Variants in AMPH observed in about 807,000 individuals in gnomAD.
The protein encoded by AMPH is amphiphysin (Stiff-Mann syndrome with breast cancer 128kD autoantigen).
AMPH carries 49 observed loss-of-function variants against 99.1 expected under a neutral mutation model. That is an observed-to-expected ratio of 0.49 (90% CI 0.39 to 0.63). The LOEUF (loss-of-function observed/expected upper bound fraction) is 0.63. Among genes scored for constraint, AMPH ranks in the 20% least tolerant of loss-of-function variants. AMPH has a pLI of 0.00. For synonymous variants in AMPH, 314 were observed against 317.3 expected, an observed-to-expected ratio of 0.99 and a Z score of 0.11; for missense variants, 759 against 863.4, an observed-to-expected ratio of 0.88 and a Z score of 1.52.
chr7:38,514,980 G>A (rs924429662), intron 2 of AMPH, among the ~76,000 whole-genome samples: 2 of 152,172 alleles, frequency 1.3e-5, no homozygotes, highest in Non-Finnish European at 2.9e-5. Context: ...AGCATTAAGG[G>A]TGATTCTCGT....
intron 1 of AMPH, among the ~76,000 whole-genome samples, chr7:38,552,347 A>C (rs1791207618): frequency 6.6e-6 from 1 of 152,198 alleles, no homozygotes; most frequent in Admixed American, 6.5e-5. Flanking sequence ...GTCTGCACAG[A>C]TCATTTGGAT....
chr7:38,525,544 A>T (rs2129036618), intron 2 of AMPH, among the ~76,000 whole-genome samples: 1 of 151,962 alleles, frequency 6.6e-6, no homozygotes, highest in East Asian at 1.9e-4. Context: ...GTCAGGATAC[A>T]GAACTTTCCA....
intron 17 of AMPH, among the ~76,000 whole-genome samples, chr7:38,410,694 T>C (rs1447050937): frequency 6.6e-6 from 1 of 152,140 alleles, no homozygotes; most frequent in African/African-American, 2.4e-5. Context: ...GCACAGAGGG[T>C]AAAATGATTT....
chr7:38,619,195 T>TAA, intron 1 of AMPH, among the ~76,000 whole-genome samples: 1 of 149,088 alleles, frequency 6.7e-6, no homozygotes, highest in Non-Finnish European at 1.5e-5. Context: ...GTCTCTTAAA[T>TAA]AAAAAAAAAG....
At chr7:38,529,836 G>A (rs1475038803) in intron 2 of AMPH, among the ~76,000 whole-genome samples, 1 of 152,182 alleles carries the variant, frequency 6.6e-6, no homozygotes, top group African/African-American at 2.4e-5. Context: ...AGGCCTATCT[G>A]CTCAAGCAAA....
chr7:38,463,082 G>T lies in AMPH; in HGVS notation c.781C>A (p.Pro261Thr). Residue 261 changes from proline (P) to threonine (T), a missense_variant, in exon 10 of 21, where the codon CCA (proline) becomes ACA (threonine). Pro to Thr is a conservative substitution (Grantham distance 38). Transcript: ENST00000356264. ...GGTGAAGGCTCCTCAGGCGGTGATG[G>T]TGTCTTTGCAATGCGGAGAGGACCC... The part of the protein sequence containing the change: ...DSGPLRIAKT[P>T]SPPEEPSPLP... 1 of 1,613,076 alleles carries T rather than the reference G, an allele frequency of 6.2e-7. No homozygotes were observed. Among genetic ancestry groups the T allele is most frequent in the Non-Finnish European group, 8.5e-7 (1 of 1,179,412 alleles).
rs1185283966 is a variant in AMPH, at chr7:38,423,107, C to T, written c.1216-630G>A. On this transcript the variant is annotated intron_variant, in intron 15 of 20. Coordinates refer to ENST00000356264, the MANE Select transcript of AMPH (RefSeq NM_001635.4). ...CTTTAGTCCACAGCTTCTCTTCTGG[C>T]CGTTGATATCAAATCAGAAGTTAGT... is the stretch of plus-strand genomic sequence containing the variant. 1.3e-5 allele frequency among the ~76,000 whole-genome samples: 2 copies of T among 152,142 alleles called. 1 individual carries two copies. Among genetic ancestry groups the T allele is most frequent in the Non-Finnish European group, 2.9e-5 (2 of 68,032 alleles).
intron 5 of AMPH, among the ~76,000 whole-genome samples, chr7:38,487,232 G>C (rs1172207069): frequency 6.6e-6 from 1 of 151,762 alleles, no homozygotes; most frequent in African/African-American, 2.4e-5. Context: ...TCAACATAAA[G>C]TAATTAGTTG....
chr7:38,578,054 G>T (rs945433668), intron 1 of AMPH, among the ~76,000 whole-genome samples: 9 of 152,302 alleles, frequency 5.9e-5, no homozygotes, highest in Non-Finnish European at 1.2e-4. Context: ...GACAGAGATT[G>T]GGCTGAAATC....
chr7:38,407,382 G>A (rs542837041), intron 17 of AMPH, among the ~76,000 whole-genome samples: 2 of 148,858 alleles, frequency 1.3e-5, no homozygotes, highest in Admixed American at 1.3e-4. Context: ...AACACCACAT[G>A]TTCTCACTTT....
At chr7:38,556,070 C>A (rs990362152) in intron 1 of AMPH, among the ~76,000 whole-genome samples, 2 of 151,844 alleles carry the variant, frequency 1.3e-5, no homozygotes, top group African/African-American at 4.8e-5. Flanking sequence ...ACCCAGGCAA[C>A]AAACCTGCAC....
At chr7:38,535,783 AT>A (rs1274299883) in intron 1 of AMPH, among the ~76,000 whole-genome samples, 1 of 152,114 alleles carries the variant, frequency 6.6e-6, no homozygotes. Context: ...TTGCTCTCCT[AT>A]GAGAACCTAA....
intron 16 of AMPH, chr7:38,420,963 G>A: frequency 2.2e-6 from 1 of 456,554 alleles, no homozygotes; most frequent in South Asian, 1.5e-5. Flanking sequence ...CTTGCTCCTG[G>A]GAAGATCGTG....
chr7:38,446,152 C>G (rs1388814279), intron 11 of AMPH, among the ~76,000 whole-genome samples: 1 of 152,166 alleles, frequency 6.6e-6, no homozygotes, highest in Non-Finnish European at 1.5e-5. Context: ...TGGCCTAATA[C>G]ATTAACCATG....
chr7:38,594,837 T>C lies in AMPH; in HGVS notation c.69+36446A>G, dbSNP rs138481815. Among the ~76,000 whole-genome samples, 875 of 152,314 alleles carry C rather than the reference T, an allele frequency of 5.7e-3. 8 individuals are homozygous for C. The highest frequency in any genetic ancestry group is 0.034 in the South Asian group (163 of 4,820). ...GCTTATTCTAAATTATTTCTAAATT[T>C]TTAAGCAATATTTTTTTCAAATGAT... On this transcript the variant is annotated intron_variant, in intron 1 of 20. Coordinates refer to ENST00000356264, the MANE Select transcript of AMPH (RefSeq NM_001635.4).
chr7:38,476,327 G>A (rs1256274818), intron 6 of AMPH, among the ~76,000 whole-genome samples: 2 of 152,186 alleles, frequency 1.3e-5, no homozygotes, highest in Admixed American at 6.5e-5. Context: ...GACCATTCAG[G>A]CAGCTGTGTG....
intron 11 of AMPH, among the ~76,000 whole-genome samples, chr7:38,442,479 TG>T (rs1366600659): frequency 6.6e-6 from 1 of 152,180 alleles, no homozygotes; most frequent in Non-Finnish European, 1.5e-5. Context: ...ACATAAAGTA[TG>T]GTCTCTGACT....
chr7:38,527,689 A>T (rs7812098), intron 2 of AMPH, among the ~76,000 whole-genome samples: 1 of 151,972 alleles, frequency 6.6e-6, no homozygotes. Flanking sequence ...ATCTGCAGAC[A>T]AAATGAGTGT....
intron 17 of AMPH, among the ~76,000 whole-genome samples, chr7:38,394,923 C>T (rs715413): frequency 0.4 from 60,252 of 152,012 alleles, 12,015 homozygotes; most frequent in Admixed American, 0.44. Flanking sequence ...TACTGAAGTT[C>T]TCAAAACTCT....
Sources: gnomAD v4.1 joint callset for allele counts (sites outside exome capture counted in the v4.1 genomes callset) on GRCh38, gnomAD v4.1.1 for gene constraint, MANE v1.5 for transcripts, NCBI Gene and HGNC (gene_info 2026-07-23, HGNC 2026-07-21) for gene names.